DNAH10: variants seen among roughly 807,000 people sequenced by gnomAD.
DNAH10 encodes the protein axonemal beta dynein heavy chain 10.
A neutral mutation model predicts 506.6 loss-of-function variants in DNAH10; 348 were observed. The ratio of observed to expected loss-of-function variants is 0.69; its 90% CI spans 0.63 to 0.75. DNAH10 has a LOEUF of 0.75. Among genes scored for constraint, DNAH10 ranks in the 30% least tolerant of loss-of-function variants. The probability of loss-of-function intolerance (pLI) is 0.00; values close to 1 mark genes in which losing one functional copy is unlikely to be tolerated. For synonymous variants in DNAH10, 2,059 were observed against 2,198.6 expected, an observed-to-expected ratio of 0.94 and a Z score of 1.78; for missense variants, 5,179 against 5,787.1, an observed-to-expected ratio of 0.89 and a Z score of 3.41.
In DNAH10 at chr12:123,848,876, G is replaced by A. The variant is rs149054458; in HGVS notation, c.6096G>A (p.Thr2032=). 227 of 1,613,560 alleles carry A rather than the reference G, an allele frequency of 1.4e-4. No homozygotes were observed. In the African/African-American group the frequency reaches 2.5e-3, roughly 18 times the overall value. The stretch of plus-strand genomic sequence containing the variant: ...ATGCTCTGATCCATCAGTTAACCAC[G>A]TTCCAGGTGAGACACATGAAGCCCC... ...IRNALIHQLT[T]FQFEGQEISL... Residue 2032 remains threonine (T), a synonymous_variant, in exon 34 of 79, where the codon ACG becomes ACA. Transcript: ENST00000673944.
chr12:123,867,852 T>A (rs1951873944), intron 42 of DNAH10, 51 bp from the exon 43 acceptor site: 4 of 1,555,738 alleles, frequency 2.6e-6, no homozygotes, highest in Non-Finnish European at 3.5e-6. Context: ...TGGAATGGAC[T>A]CTGTGGGGGT....
Position 123,841,449 on chromosome 12 carries a change from T to G in DNAH10, c.5264T>G (p.Val1755Gly). The stretch of plus-strand genomic sequence containing the variant: ...AAGATCTTGCGGGCTGAAGGGCGCG[T>G]GGAGGACTGGATGACGGCAGTTTTG... The part of the protein sequence containing the change: ...FRKILRAEGR[V>G]EDWMTAVLNE... The change falls in exon 30 of 79, where the codon GTG becomes GGG. Residue 1755 changes from valine (V) to glycine (G), a missense_variant. By Grantham distance (109) the Val-to-Gly change is moderately radical. Transcript: ENST00000673944. 1 of 1,613,850 alleles carries G rather than the reference T, an allele frequency of 6.2e-7. No homozygotes were observed. The highest frequency in any genetic ancestry group is 1.1e-5 in the South Asian group (1 of 91,074).
At position 123,909,976 on chromosome 12, in the gene DNAH10, A is replaced by AGGC. The variant is rs1299155271; in HGVS notation, c.9997+537_9997+539dup. On this transcript the variant is annotated intron_variant, in intron 58 of 78. Transcript: ENST00000673944. This position sits in a 1 kb window ranked among gnomAD's most constrained non-coding sequence, Gnocchi z 5.4. ...TCCTGACCCTGCCCAGTGCTCAGCC[A>AGGC]GGCGGTGATAGTGTAATGGTGTTAG... Among the ~76,000 whole-genome samples the AGGC allele has an allele frequency of 6.6e-6, 1 of 152,246 alleles. No individual in the cohort carries two copies. The highest frequency in any genetic ancestry group is 1.9e-4 in the East Asian group (1 of 5,198).
At position 123,917,739 on chromosome 12, in the gene DNAH10, AC is replaced by A. The variant is rs1387062754; in HGVS notation, c.11159del (p.Thr3720SerfsTer67). The A allele has an allele frequency of 6.4e-7, 1 of 1,572,040 alleles. No homozygotes were observed. On this transcript the variant is annotated frameshift_variant, in exon 64 of 79. Coordinates refer to ENST00000673944, the MANE Select transcript of DNAH10 (RefSeq NM_001372106.1). LOFTEE classifies it high-confidence loss of function. The surrounding 1 kb of genome is among the most constrained non-coding windows in gnomAD (Gnocchi z 5.6). Reference sequence around the variant, plus strand: ...AGATTCCCTCCTTCGGGAGCTGGCCACGTCCACGGGGAACATGCTGGACAAT... The same window carrying A: ...AGATTCCCTCCTTCGGGAGCTGGCCAGTCCACGGGGAACATGCTGGACAAT... Reference protein sequence around the residue: ...LEDSLLRELATSTGNMLDNVD... With the variant: ...LEDSLLRELAXSTGNMLDNVD...
At chr12:123,875,591 C>G in intron 47 of DNAH10, 100 bp downstream of exon 47, 1 of 1,420,036 alleles carries the variant, frequency 7.0e-7, no homozygotes, top group Admixed American at 2.1e-5. Context: ...AGGGTTAGGG[C>G]CCTCAATACT....
rs1350143845 is a variant in DNAH10, at chr12:123,771,637, A to T, written c.335A>T (p.Gln112Leu). ...RVSLRTESLG[Q>L]PLNREDEEMD... ...TCACTGAGAACCGAATCTCTAGGCC[A>T]ACCTCTAAACAGAGAGGATGAAGAA... is the stretch of plus-strand genomic sequence containing the variant. Residue 112 changes from glutamine (Q) to leucine (L), a missense_variant, in exon 3 of 79, where the codon CAA (glutamine) becomes CTA (leucine). Coordinates refer to ENST00000673944, the MANE Select transcript of DNAH10 (RefSeq NM_001372106.1). 2 of 1,613,774 alleles carry T rather than the reference A, an allele frequency of 1.2e-6. No homozygotes were observed. Among genetic ancestry groups the T allele is most frequent in the South Asian group, 2.2e-5 (2 of 90,966 alleles).
At chr12:123,764,179 T>G (rs1426859229) in intron 1 of DNAH10, among the ~76,000 whole-genome samples, 1 of 152,242 alleles carries the variant, frequency 6.6e-6, no homozygotes, top group Non-Finnish European at 1.5e-5. Context: ...TTCATTTATT[T>G]TAAATATTCA....
At chr12:123,783,917 A>T (rs1357248706) in intron 7 of DNAH10, 30 bp from the exon 8 acceptor site, 1 of 1,591,742 alleles carries the variant, frequency 6.3e-7, no homozygotes, top group African/African-American at 1.3e-5. Flanking sequence ...TAATAATGAG[A>T]GTTCTTTGTG....
In DNAH10 at chr12:123,909,137, T is replaced by G; in HGVS notation, c.9816-124T>G. The G allele has an allele frequency of 7.6e-7, 1 of 1,322,490 alleles. No individual in the cohort carries two copies. Among genetic ancestry groups the G allele is most frequent in the Non-Finnish European group, 1.0e-6 (1 of 964,842 alleles). 81.9% of individuals were successfully genotyped at this position (1,322,490 alleles called of 1,614,324 possible). A position where few individuals can be genotyped will look rare whatever the true frequency, so the allele number is the denominator to read the frequency against. ...TTGTGTTGGGACCTGGCTTCTTTCGTTTGCTTGCAGCAGTAGCTCCAGGGA... is the reference window on the plus strand; with the variant it reads ...TTGTGTTGGGACCTGGCTTCTTTCGGTTGCTTGCAGCAGTAGCTCCAGGGA... On this transcript the variant is annotated intron_variant, in intron 57 of 78. Coordinates refer to ENST00000673944, the MANE Select transcript of DNAH10 (RefSeq NM_001372106.1). This position sits in a 1 kb window ranked among gnomAD's most constrained non-coding sequence, Gnocchi z 5.4.
intron 21 of DNAH10, chr12:123,814,384 T>G (rs1385881914): frequency 6.5e-6 from 1 of 152,752 alleles, no homozygotes; most frequent in East Asian, 1.9e-4. Flanking sequence ...TTTTACATAC[T>G]GTACATTTTT....
chr12:123,870,957 A>G (rs959423053), intron 44 of DNAH10, among the ~76,000 whole-genome samples: 22 of 152,212 alleles, frequency 1.4e-4, no homozygotes, highest in Admixed American at 3.3e-4. Context: ...CTGGCTATTC[A>G]GGTAAAATAT....
At chr12:123,924,764 A>C (rs1954867157) in intron 67 of DNAH10, among the ~76,000 whole-genome samples, 1 of 151,522 alleles carries the variant, frequency 6.6e-6, no homozygotes, top group African/African-American at 2.4e-5. Flanking sequence ...GCACCCACTC[A>C]TCCATCCACC....
chr12:123,824,659 T>G (rs1006404725), intron 24 of DNAH10, among the ~76,000 whole-genome samples: 4 of 152,090 alleles, frequency 2.6e-5, no homozygotes, highest in African/African-American at 4.8e-5. Flanking sequence ...AGAAGAGGCT[T>G]CTTCTTGCCT....
intron 52 of DNAH10, among the ~76,000 whole-genome samples, chr12:123,890,219 C>A (rs1340609917): frequency 6.6e-6 from 1 of 152,234 alleles, no homozygotes. Context: ...AGATTTTATT[C>A]TCAGTGCAAT....
In DNAH10 at chr12:123,818,991, C is replaced by T. The variant is rs775007880; in HGVS notation, c.3822C>T (p.Ser1274=). 1 of 1,607,792 alleles carries T rather than the reference C, an allele frequency of 6.2e-7. No homozygotes were observed. Among genetic ancestry groups the T allele is most frequent in the East Asian group, 2.2e-5 (1 of 44,818 alleles). ...AEKELVDKIE[S]IWSNLFNDSV... ...AAGAACTGGTTGATAAGATTGAGAG[C>T]ATATGGTCCAATCTGTTTAATGATT... Residue 1274 remains serine (S), a synonymous_variant, in exon 22 of 79, where the codon AGC becomes AGT. Transcript: ENST00000673944.
rs1317083061 is a variant in DNAH10 at position 123,787,021 on chromosome 12, C to G, written c.1422-783C>G. 6.6e-6 allele frequency among the ~76,000 whole-genome samples: 1 copy of G among 151,950 alleles called. No homozygotes were observed. Among genetic ancestry groups the G allele is most frequent in the Non-Finnish European group, 1.5e-5 (1 of 67,984 alleles). ...GGGTGTGGTGGTGGGCGCCTGTAAT[C>G]CCAGCCACTCAGGAGGCTGAGGCAG... is the stretch of plus-strand genomic sequence containing the variant. On this transcript the variant is annotated intron_variant, in intron 9 of 78. Transcript: ENST00000673944. This position sits in a 1 kb window ranked among gnomAD's most constrained non-coding sequence, Gnocchi z 4.6.
intron 43 of DNAH10, among the ~76,000 whole-genome samples, chr12:123,869,992 C>T (rs1032488715): frequency 6.6e-6 from 1 of 152,214 alleles, no homozygotes; most frequent in African/African-American, 2.4e-5. Context: ...CTGTCCCCCA[C>T]CTGGCCCTCG....
At chr12:123,866,120 C>G in intron 41 of DNAH10, 47 bp downstream of exon 41, 1 of 1,458,846 alleles carries the variant, frequency 6.9e-7, no homozygotes, top group Non-Finnish European at 9.2e-7. Flanking sequence ...GTATTGATGG[C>G]TAGTTGGATA....
Position 123,881,742 on chromosome 12 carries a change from C to T in DNAH10, c.8752C>T (p.Leu2918=). Residue 2918 remains leucine, a synonymous_variant, in exon 51 of 79, where the codon CTG becomes TTG. Coordinates refer to ENST00000673944, the MANE Select transcript of DNAH10 (RefSeq NM_001372106.1). ...CATCCGCATGGACCGCGGCCACGCC[C>T]TGCTGGTCGGGGTAGGGGGCTCAGG... ...RIIRMDRGHA[L]LVGVGGSGKQ... 2.6e-6 allele frequency: 4 copies of T among 1,547,272 alleles called. No individual in the cohort carries two copies. The highest frequency in any genetic ancestry group is 3.5e-6 in the Non-Finnish European group (4 of 1,145,176).
Sources: gnomAD v4.1 joint callset for allele counts (sites outside exome capture counted in the v4.1 genomes callset) on GRCh38, gnomAD v4.1.1 for gene constraint, Gnocchi (gnomAD v3.1) non-coding constraint, MANE v1.5 for transcripts, NCBI Gene and HGNC (gene_info 2026-07-23, HGNC 2026-07-21) for gene names.